Variants in CEP350 observed in about 807,000 individuals in gnomAD.
CEP350 encodes centrosomal protein 350.
CEP350 carries 126 observed loss-of-function variants against 331.8 expected under a neutral mutation model. The observed-to-expected ratio is 0.38, with a 90% CI of 0.33 to 0.44. The LOEUF is 0.44. Ranked by LOEUF, CEP350 falls within the 20% of genes least tolerant of loss-of-function variation. The probability of loss-of-function intolerance (pLI) is 1.00; values close to 1 mark genes in which losing one functional copy is unlikely to be tolerated. For synonymous variants in CEP350, 1,200 were observed against 1,259.5 expected (o/e 0.95, Z 1.00); for missense variants, 3,406 against 3,634.6 (o/e 0.94, Z 1.62).
chr1:179,956,159 A>G (rs977295278), intron 1 of CEP350, among the ~76,000 whole-genome samples: 1 of 152,214 alleles, frequency 6.6e-6, no homozygotes, highest in African/African-American at 2.4e-5. Context: ...TGTTAGACCC[A>G]TGCTGGAAGT....
chr1:179,988,177 G>T (rs1444424713), intron 3 of CEP350, among the ~76,000 whole-genome samples: 1 of 151,568 alleles, frequency 6.6e-6, no homozygotes, highest in African/African-American at 2.4e-5. Context: ...TGTGCCTGTG[G>T]TCCCAGCCAC....
chr1:180,021,222 TATC>T (rs748157534), intron 12 of CEP350, among the ~76,000 whole-genome samples: 39 of 152,206 alleles, frequency 2.6e-4, no homozygotes, highest in Admixed American at 3.9e-4. Context: ...AAATTGTTAT[TATC>T]ATAAAATAAT....
chr1:179,986,342 ATGCTT>A, intron 2 of CEP350, 88 bp downstream of exon 2: 1 of 786,536 alleles, frequency 1.3e-6, no homozygotes, highest in Non-Finnish European at 2.0e-6. Context: ...AATTATACCT[ATGCTT>A]TGATTTATAG....
intron 16 of CEP350, among the ~76,000 whole-genome samples, chr1:180,034,769 G>A (rs574518925): frequency 1.5e-4 from 23 of 152,150 alleles, no homozygotes; most frequent in South Asian, 4.1e-4. Context: ...AACTCACCCC[G>A]TTCCCCTCTT....
chr1:180,064,999 T>G (rs1658461056), intron 26 of CEP350, 116 bp from the exon 27 acceptor site: 3 of 1,109,102 alleles, frequency 2.7e-6, no homozygotes, highest in Middle Eastern at 5.6e-4. Flanking sequence ...TATCTTATTT[T>G]CAACTATTGT....
chr1:179,954,873 G>C lies in CEP350; in HGVS notation c.-283G>C. 2.2e-6 allele frequency: 1 copy of C among 462,382 alleles called. No individual in the cohort carries two copies. The highest frequency in any genetic ancestry group is 3.6e-6 in the Non-Finnish European group (1 of 275,286). The allele number at this position is 462,382 out of a possible 1,614,324, so 28.6% of individuals were successfully genotyped here. Reference sequence around the variant, plus strand: ...GAAGTGACTCCCGGGCCGGGGAGCGGGGCCAGACCTGCGCCAGAGAGAACT... The same window carrying C: ...GAAGTGACTCCCGGGCCGGGGAGCGCGGCCAGACCTGCGCCAGAGAGAACT... On this transcript the variant is annotated 5_prime_UTR_variant, in exon 1 of 38. Transcript: ENST00000367607.
At chr1:180,063,186 CTTTTTT>C (rs35572192) in intron 26 of CEP350, among the ~76,000 whole-genome samples, 3 of 106,966 alleles carry the variant, frequency 2.8e-5, no homozygotes, top group African/African-American at 3.6e-5. Context: ...AAATTTGAAA[CTTTTTT>C]TTTTTTTTTT....
intron 5 of CEP350, among the ~76,000 whole-genome samples, chr1:179,995,891 C>G (rs141464256): frequency 2.6e-5 from 4 of 152,108 alleles, no homozygotes; most frequent in Non-Finnish European, 5.9e-5. Context: ...ATTTCTACCC[C>G]CAGTCTATTT....
chr1:180,110,267 G>T (rs991583710), intron 37 of CEP350, among the ~76,000 whole-genome samples: 1 of 152,052 alleles, frequency 6.6e-6, no homozygotes, highest in African/African-American at 2.4e-5. Flanking sequence ...ATGAGGGTTC[G>T]ACTTACTGTT....
At chr1:180,043,872 C>A (rs1571912968) in intron 20 of CEP350, among the ~76,000 whole-genome samples, 179 bp from the exon 21 acceptor site, 2 of 151,638 alleles carry the variant, frequency 1.3e-5, no homozygotes, top group South Asian at 4.1e-4. Flanking sequence ...TTCATTGATA[C>A]TAGGAGTGAT....
intron 6 of CEP350, among the ~76,000 whole-genome samples, chr1:180,002,766 G>A (rs1292160889): frequency 2.0e-5 from 3 of 152,112 alleles, no homozygotes; most frequent in African/African-American, 7.2e-5. Context: ...GCAATAAAAA[G>A]GAATAAAGCC....
chr1:180,091,140 C>T (rs1235197154), intron 33 of CEP350, among the ~76,000 whole-genome samples: 1 of 151,438 alleles, frequency 6.6e-6, no homozygotes, highest in African/African-American at 2.4e-5. Flanking sequence ...CCCAAGTAGC[C>T]AGGACCAGGA....
rs1403804462 is a variant in CEP350, at chr1:180,093,660, A to G, written c.7555A>G (p.Thr2519Ala). The G allele has an allele frequency of 6.2e-7, 1 of 1,613,990 alleles. No individual in the cohort carries two copies. The highest frequency in any genetic ancestry group is 1.7e-5 in the Admixed American group (1 of 60,018). Residue 2519 changes from threonine to alanine, a missense_variant, in exon 34 of 38, where the codon ACT becomes GCT. Physicochemically the swap from Thr to Ala is moderately conservative, Grantham distance 58. Around this residue, in one of 5 missense-constraint regions of CEP350, gnomAD observed 1,415 missense variants for 1,512.3 expected, o/e 0.94. Coordinates refer to ENST00000367607, the MANE Select transcript of CEP350 (RefSeq NM_014810.5). ...QPGILRFKGE[T>A]SFAKGFWAGV... is the part of the protein sequence containing the mutation. The stretch of plus-strand genomic sequence containing the variant: ...AGGAATTCTTCGATTCAAAGGTGAG[A>G]CTAGTTTTGCTAAAGGATTTTGGGC...
At chr1:179,986,497 A>G (rs1652656995) in intron 2 of CEP350, among the ~76,000 whole-genome samples, 1 of 152,192 alleles carries the variant, frequency 6.6e-6, no homozygotes. Flanking sequence ...AATTTTTCAG[A>G]AATTCTGTCC....
At chr1:180,084,276 C>G (rs1659730381) in intron 31 of CEP350, 98 bp downstream of exon 31, 11 of 1,145,178 alleles carry the variant, frequency 9.6e-6, no homozygotes, top group Non-Finnish European at 1.3e-5. Flanking sequence ...GATTAGGATT[C>G]TTCATTATTA....
chr1:180,006,213 T>C (rs909745830), intron 7 of CEP350, among the ~76,000 whole-genome samples: 25 of 152,140 alleles, frequency 1.6e-4, no homozygotes, highest in South Asian at 4.1e-4. Flanking sequence ...GAAGAATAAA[T>C]AAATAACAAA....
chr1:180,003,157 T>G lies in CEP350; in HGVS notation c.1019-17T>G, dbSNP rs776682443. On this transcript the variant is annotated splice_polypyrimidine_tract_variant and intron_variant, in intron 6 of 37. Transcript: ENST00000367607. ...GCAACTTTGATAAGAATATTCTGTG[T>G]TACTGGTATGTATTAGGTTTCAACC... is the stretch of plus-strand genomic sequence containing the variant. The G allele has an allele frequency of 5.1e-5, 76 of 1,499,408 alleles. No homozygotes were observed. Among genetic ancestry groups the G allele is most frequent in the Non-Finnish European group, 6.3e-5 (69 of 1,087,136 alleles). 92.9% of individuals were successfully genotyped at this position (1,499,408 alleles called of 1,614,324 possible).
chr1:180,081,829 T>C (rs1048323871), intron 30 of CEP350, among the ~76,000 whole-genome samples: 1 of 152,264 alleles, frequency 6.6e-6, no homozygotes, highest in Admixed American at 6.5e-5. Context: ...GTGTTTATCA[T>C]GTATAATAAA....
At chr1:180,001,907 G>T (rs1204337964) in intron 6 of CEP350, among the ~76,000 whole-genome samples, 1 of 152,194 alleles carries the variant, frequency 6.6e-6, no homozygotes, top group Non-Finnish European at 1.5e-5. Flanking sequence ...CTTTTTGAAT[G>T]AATGTATATT....
Sources: allele counts gnomAD v4.1 joint callset (sites outside exome capture counted in the v4.1 genomes callset), GRCh38; gene constraint gnomAD v4.1.1; regional missense constraint gnomAD v4.1.1; transcripts MANE v1.5; gene names NCBI Gene and HGNC (gene_info 2026-07-23, HGNC 2026-07-21).